KIAA0586: variants seen among roughly 807,000 people sequenced by gnomAD.
KIAA0586 encodes protein TALPID3.
In KIAA0586, 144 loss-of-function variants were observed where a neutral mutation model predicts 169.8. The observed-to-expected ratio is 0.85, with a 90% CI of 0.74 to 0.97. KIAA0586 has a LOEUF of 0.97. KIAA0586 is among the 50% of genes least tolerant of loss of function. The pLI is 0.00. For synonymous variants in KIAA0586, 625 were observed against 612.4 expected (o/e 1.02, Z -0.30); for missense variants, 1,854 against 1,823.0 (o/e 1.02, Z -0.31).
chr14:58,450,436 G>A (rs2039270636), intron 7 of KIAA0586, 143 bp from the exon 8 acceptor site: 1 of 555,818 alleles, frequency 1.8e-6, no homozygotes, highest in African/African-American at 1.9e-5. Context: ...TTTTAATGGG[G>A]TGAAGTTATT....
intron 30 of KIAA0586, among the ~76,000 whole-genome samples, chr14:58,546,596 G>A (rs184413690): frequency 1.8e-4 from 28 of 152,118 alleles, no homozygotes; most frequent in African/African-American, 6.7e-4. Context: ...TTTTAAATGA[G>A]GATTTTTGTT....
At chr14:58,492,660 A>G (rs1336839090) in intron 26 of KIAA0586, among the ~76,000 whole-genome samples, 1 of 152,246 alleles carries the variant, frequency 6.6e-6, no homozygotes, top group Non-Finnish European at 1.5e-5. Context: ...CAACAGTGCA[A>G]TAACTAATCA....
In KIAA0586 at chr14:58,490,607, A is replaced by G. The variant is rs549724886; in HGVS notation, c.3858+367A>G. ...ATACATTTGTTATTTTTCCCTAACC[A>G]TGATTATAATTCTTTGTGCTAATAA... is the stretch of plus-strand genomic sequence containing the variant. On this transcript the variant is annotated intron_variant, in intron 25 of 30. Coordinates refer to ENST00000652326, the MANE Select transcript of KIAA0586 (RefSeq NM_001329943.3). Among the ~76,000 whole-genome samples the G allele has an allele frequency of 8.9e-4, 135 of 152,212 alleles. No homozygotes were observed. The South Asian group carries it at 0.014, about 16-fold the overall frequency.
chr14:58,503,102 A>G (rs2043691261), intron 27 of KIAA0586, among the ~76,000 whole-genome samples: 1 of 152,166 alleles, frequency 6.6e-6, no homozygotes, highest in Non-Finnish European at 1.5e-5. Flanking sequence ...TGTAAGCTGT[A>G]ATTTGAGTGA....
rs778340558 is a variant in KIAA0586, at chr14:58,508,607, A to C, written c.4221A>C (p.Glu1407Asp). ...GTCATGGTCCAATGAGTTTGGGAGA[A>C]TTGGAGTTGGAGCCAAATTCTAAGC... ...CASHGPMSLGELELEPNSKLV... is the reference protein window; with the variant it reads ...CASHGPMSLGDLELEPNSKLV... The change falls in exon 28 of 31, where the codon GAA becomes GAC. Residue 1407 changes from glutamate (E) to aspartate (D), a missense_variant. Glu to Asp is a conservative substitution (Grantham distance 45). Coordinates refer to ENST00000652326, the MANE Select transcript of KIAA0586 (RefSeq NM_001329943.3). 1 of 1,599,130 alleles carries C rather than the reference A, an allele frequency of 6.3e-7. No homozygotes were observed. The highest frequency in any genetic ancestry group is 2.2e-5 in the East Asian group (1 of 44,464).
At chr14:58,507,233 TG>T (rs2044033538) in intron 27 of KIAA0586, among the ~76,000 whole-genome samples, 1 of 75,078 alleles carries the variant, frequency 1.3e-5, no homozygotes, top group Non-Finnish European at 2.6e-5. Flanking sequence ...ATCATCTATA[TG>T]TATGATTTAT....
intron 9 of KIAA0586, among the ~76,000 whole-genome samples, chr14:58,453,865 T>G (rs543585759): frequency 2.0e-4 from 31 of 152,258 alleles, no homozygotes; most frequent in African/African-American, 7.5e-4. Flanking sequence ...TTTCTCTATT[T>G]TTGTGTATAT....
intron 29 of KIAA0586, among the ~76,000 whole-genome samples, chr14:58,538,972 G>A (rs780430866): frequency 4.6e-5 from 7 of 152,074 alleles, no homozygotes; most frequent in Non-Finnish European, 1.0e-4. Flanking sequence ...TAGAGACTAG[G>A]TCTAGCCATT....
intron 14 of KIAA0586, among the ~76,000 whole-genome samples, chr14:58,465,030 C>G (rs2040636240): frequency 6.6e-6 from 1 of 151,986 alleles, no homozygotes; most frequent in African/African-American, 2.4e-5. Context: ...TAAGATCGCA[C>G]CACTGCACTC....
At chr14:58,466,097 T>G in intron 15 of KIAA0586, 68 bp downstream of exon 15, 2 of 1,234,580 alleles carry the variant, frequency 1.6e-6, no homozygotes, top group Non-Finnish European at 2.3e-6. Flanking sequence ...TGTGTGTTTA[T>G]TAGAGACGGG....
At chr14:58,486,180 C>T (rs937443595) in intron 21 of KIAA0586, among the ~76,000 whole-genome samples, 1 of 152,146 alleles carries the variant, frequency 6.6e-6, no homozygotes, top group Admixed American at 6.5e-5. Context: ...TTAGCTCTCA[C>T]TTATAAATGA....
At position 58,474,812 on chromosome 14, in the gene KIAA0586, T is replaced by A; in HGVS notation, c.2825+15T>A. 1 of 1,542,434 alleles carries A rather than the reference T, an allele frequency of 6.5e-7. No homozygotes were observed. The highest frequency in any genetic ancestry group is 8.9e-7 in the Non-Finnish European group (1 of 1,128,888). ...TTAATTCAATGGTAAGTTTATAATG[T>A]TTTTGGTATGAATAGAACCATAGTA... On this transcript the variant is annotated intron_variant, in intron 19 of 30. Transcript: ENST00000652326.
intron 26 of KIAA0586, among the ~76,000 whole-genome samples, 194 bp from the exon 27 acceptor site, chr14:58,498,589 C>T (rs1397503837): frequency 6.6e-6 from 1 of 152,112 alleles, no homozygotes; most frequent in Non-Finnish European, 1.5e-5. Flanking sequence ...ATATTGAAAA[C>T]AAAGCCTATC....
rs1416765367 is a variant in KIAA0586, at chr14:58,508,710, G to A, written c.4323+1G>A. Reference sequence around the variant, plus strand: ...AGTAGCCGCTGAAGATTTTTCCCAGGTACCAAATTAATAGCACTTGTATTT... The same window carrying A: ...AGTAGCCGCTGAAGATTTTTCCCAGATACCAAATTAATAGCACTTGTATTT... On this transcript the variant is annotated splice_donor_variant, in intron 28 of 30. Transcript: ENST00000652326. LOFTEE classifies it high-confidence loss of function. 3.2e-6 allele frequency: 5 copies of A among 1,577,424 alleles called. No homozygotes were observed. The highest frequency in any genetic ancestry group is 4.3e-6 in the Non-Finnish European group (5 of 1,159,664).
At position 58,508,523 on chromosome 14, in the gene KIAA0586, T is replaced by C. The variant is rs200212377; in HGVS notation, c.4169-32T>C. The C allele has an allele frequency of 6.7e-6, 10 of 1,491,134 alleles. No homozygotes were observed. In the East Asian group the frequency reaches 2.0e-4, roughly 29 times the overall value. 92.4% of individuals were successfully genotyped at this position (1,491,134 alleles called of 1,614,324 possible). A position where few individuals can be genotyped will look rare whatever the true frequency, so the allele number is the denominator to read the frequency against. On this transcript the variant is annotated intron_variant, in intron 27 of 30. Transcript: ENST00000652326. ...TTTTGAAGATAAATTTAACACTTTA[T>C]TTTAACTTTTTATTTACATTTTTGA...
chr14:58,536,163 T>C (rs548079297), intron 29 of KIAA0586, among the ~76,000 whole-genome samples: 2 of 152,264 alleles, frequency 1.3e-5, no homozygotes, highest in Admixed American at 1.3e-4. Context: ...CATGTGCATG[T>C]TTATTGCATG....
chr14:58,513,770 G>A (rs956935581), intron 29 of KIAA0586, among the ~76,000 whole-genome samples: 72 of 151,840 alleles, frequency 4.7e-4, no homozygotes, highest in African/African-American at 1.6e-3. Context: ...ACTGTCCTTC[G>A]CAGTCAATGA....
At position 58,458,498 on chromosome 14, in the gene KIAA0586, A is replaced by G. The variant is rs1319329034; in HGVS notation, c.1609A>G (p.Arg537Gly). 1.3e-6 allele frequency: 2 copies of G among 1,545,808 alleles called. No individual in the cohort carries two copies. Among genetic ancestry groups the G allele is most frequent in the Non-Finnish European group, 1.8e-6 (2 of 1,142,330 alleles). Residue 537 changes from arginine (R) to glycine (G), a missense_variant, in exon 12 of 31, where the codon AGA (arginine) becomes GGA (glycine). By Grantham distance (125) the Arg-to-Gly change is moderately radical (BLOSUM62 -2). Transcript: ENST00000652326. Reference sequence around the variant, plus strand: ...AGAGATGTCAGAGAAAATTAGGATCAGAAAGACAGTGGATGAATGGATTAA... The same window carrying G: ...AGAGATGTCAGAGAAAATTAGGATCGGAAAGACAGTGGATGAATGGATTAA... ...NREMSEKIRI[R>G]KTVDEWIKTI...
At chr14:58,466,052 G>A in intron 15 of KIAA0586, 23 bp downstream of exon 15, 1 of 1,479,216 alleles carries the variant, frequency 6.8e-7, no homozygotes, top group Non-Finnish European at 9.3e-7. Flanking sequence ...AAAATATGTG[G>A]GATGGATTTT....
Sources: gnomAD v4.1 joint callset for allele counts (sites outside exome capture counted in the v4.1 genomes callset) on GRCh38, gnomAD v4.1.1 for gene constraint, MANE v1.5 for transcripts, NCBI Gene and HGNC (gene_info 2026-07-23, HGNC 2026-07-21) for gene names.